The following PLSCR4 variants were observed in gnomAD, a reference collection of about 807,000 sequenced individuals.
PLSCR4 encodes the protein Ca(2+)-dependent phospholipid scramblase 4.
A neutral mutation model predicts 36.3 loss-of-function variants in PLSCR4; 25 were observed. That is an observed-to-expected ratio of 0.69 (90% CI 0.50 to 0.96). The LOEUF is 0.96. Ranked by LOEUF, PLSCR4 falls within the 40% of genes least tolerant of loss-of-function variation. The pLI is 0.00. For missense variants in PLSCR4, 408 were observed against 414.7 expected, an observed-to-expected ratio of 0.98 and a Z score of 0.14; for synonymous variants, 122 against 132.9, an observed-to-expected ratio of 0.92 and a Z score of 0.56.
At chr3:146,206,921 A>G (rs2034366365) in intron 3 of PLSCR4, among the ~76,000 whole-genome samples, 160 bp from the exon 4 acceptor site, 1 of 152,152 alleles carries the variant, frequency 6.6e-6, no homozygotes, top group Admixed American at 6.6e-5. Context: ...ATATGACCCA[A>G]CGATGTATTA....
chr3:146,208,420 A>T (rs143954914), intron 3 of PLSCR4, among the ~76,000 whole-genome samples: 3 of 152,316 alleles, frequency 2.0e-5, no homozygotes, highest in African/African-American at 7.2e-5. Context: ...AAAAGCAATG[A>T]TAAGTAGGTG....
chr3:146,214,582 T>G (rs551757310), intron 3 of PLSCR4, among the ~76,000 whole-genome samples: 1 of 152,270 alleles, frequency 6.6e-6, no homozygotes, highest in East Asian at 1.9e-4. Flanking sequence ...TAGTGTCATT[T>G]AAAAGTATTC....
chr3:146,240,706 G>A (rs996442379), intron 1 of PLSCR4, among the ~76,000 whole-genome samples: 5 of 79,426 alleles, frequency 6.3e-5, no homozygotes, highest in Admixed American at 1.3e-4. Context: ...TGTAGATATC[G>A]AAACCTTCAT....
At chr3:146,242,226 G>T (rs2036178760) in intron 1 of PLSCR4, among the ~76,000 whole-genome samples, 1 of 152,130 alleles carries the variant, frequency 6.6e-6, no homozygotes, top group African/African-American at 2.4e-5. Context: ...AAACTCTTCT[G>T]GTTCTGAGGG....
At chr3:146,220,029 C>T (rs1204232705) in intron 3 of PLSCR4, among the ~76,000 whole-genome samples, 1 of 152,022 alleles carries the variant, frequency 6.6e-6, no homozygotes, top group Non-Finnish European at 1.5e-5. Context: ...ACAATGGTTT[C>T]TACTTCTAAA....
At chr3:146,224,431 G>A (rs770921142) in intron 1 of PLSCR4, among the ~76,000 whole-genome samples, 32 of 152,230 alleles carry the variant, frequency 2.1e-4, no homozygotes, top group Non-Finnish European at 3.4e-4. Context: ...GAACGAAGCC[G>A]CGGACCCTCG....
intron 1 of PLSCR4, among the ~76,000 whole-genome samples, chr3:146,231,518 A>T (rs1216895410): frequency 1.3e-5 from 2 of 152,148 alleles, no homozygotes; most frequent in African/African-American, 4.8e-5. Flanking sequence ...CTTCACCAAC[A>T]TCTATTATTT....
intron 1 of PLSCR4, among the ~76,000 whole-genome samples, chr3:146,224,766 G>C (rs113175968): frequency 1.1e-4 from 17 of 152,144 alleles, no homozygotes; most frequent in African/African-American, 3.9e-4. Context: ...TGGTAGAGCC[G>C]AGTGGCCTGT....
intron 4 of PLSCR4, among the ~76,000 whole-genome samples, chr3:146,203,686 T>C (rs1032210144): frequency 6.6e-6 from 1 of 151,978 alleles, no homozygotes; most frequent in African/African-American, 2.4e-5. Context: ...TTTTTTTCTG[T>C]AGCTTCCTCA....
At chr3:146,249,238 A>G (rs995917563) in intron 1 of PLSCR4, among the ~76,000 whole-genome samples, 3 of 152,092 alleles carry the variant, frequency 2.0e-5, no homozygotes, top group Non-Finnish European at 4.4e-5. Context: ...GTGCACAAAT[A>G]TCTATTCAGG....
At chr3:146,233,952 T>G (rs975031012) in intron 1 of PLSCR4, among the ~76,000 whole-genome samples, 1 of 114,994 alleles carries the variant, frequency 8.7e-6, no homozygotes, top group Non-Finnish European at 1.9e-5. Context: ...CAAATTCCAC[T>G]CGGTAAGGGT....
rs149536276 is a variant in PLSCR4, at chr3:146,206,636, G to A, written c.244C>T (p.Arg82Trp). 6.3e-5 allele frequency: 102 copies of A among 1,613,436 alleles called. No individual in the cohort carries two copies. The highest frequency in any genetic ancestry group is 3.3e-4 in the Middle Eastern group (2 of 6,058). The change falls in exon 4 of 9, where the codon CGG (arginine) becomes TGG (tryptophan). Residue 82 changes from arginine (R) to tryptophan (W), a missense_variant. Physicochemically the swap from Arg to Trp is moderately radical, Grantham distance 101. Coordinates refer to ENST00000354952, the MANE Select transcript of PLSCR4 (RefSeq NM_020353.3). ...ATAGGATATTTGCCAGGCTGATACC[G>A]GACAGGATGGATACCACCAACTGGC... ...YQPVGGIHPV[R>W]YQPGKYPMPN...
chr3:146,235,020 T>G (rs544358474), intron 1 of PLSCR4, among the ~76,000 whole-genome samples: 1 of 152,106 alleles, frequency 6.6e-6, no homozygotes, highest in Non-Finnish European at 1.5e-5. Flanking sequence ...GAAAATCAAT[T>G]AGCTCCATGG....
At chr3:146,232,206 G>A (rs1328046076) in intron 1 of PLSCR4, among the ~76,000 whole-genome samples, 2 of 152,024 alleles carry the variant, frequency 1.3e-5, no homozygotes, top group African/African-American at 4.8e-5. Context: ...CCATATGTCT[G>A]TTTTTGTACT....
chr3:146,232,870 G>A (rs181362034), intron 1 of PLSCR4, among the ~76,000 whole-genome samples: 16 of 152,202 alleles, frequency 1.1e-4, no homozygotes. Flanking sequence ...ATTGCCTAAA[G>A]AGGTTTTTTA....
chr3:146,218,239 C>T (rs1279103642), intron 3 of PLSCR4, among the ~76,000 whole-genome samples: 2 of 151,774 alleles, frequency 1.3e-5, no homozygotes, highest in Non-Finnish European at 2.9e-5. Context: ...TAAGAGTACC[C>T]GAATTGGACT....
At chr3:146,227,750 G>C (rs963082031) in intron 1 of PLSCR4, among the ~76,000 whole-genome samples, 1 of 152,216 alleles carries the variant, frequency 6.6e-6, no homozygotes, top group Non-Finnish European at 1.5e-5. Flanking sequence ...TCTGTCTCCA[G>C]TGCCTTTAAC....
chr3:146,194,544 C>T (rs2033609491), intron 8 of PLSCR4, 89 bp from the exon 9 acceptor site: 2 of 781,132 alleles, frequency 2.6e-6, no homozygotes, highest in Non-Finnish European at 4.3e-6. Context: ...TTAGGGGATT[C>T]CCCCATTCCA....
chr3:146,202,577 G>T (rs2034103066), intron 4 of PLSCR4, among the ~76,000 whole-genome samples: 2 of 152,022 alleles, frequency 1.3e-5, no homozygotes, highest in African/African-American at 4.8e-5. Flanking sequence ...GATTGCTGAA[G>T]CCCAGGTTGG....
Sources: gnomAD v4.1 joint callset for allele counts (sites outside exome capture counted in the v4.1 genomes callset) on GRCh38, gnomAD v4.1.1 for gene constraint, MANE v1.5 for transcripts, NCBI Gene and HGNC (gene_info 2026-07-23, HGNC 2026-07-21) for gene names.